The following MRPL13 variants were observed in gnomAD, a reference collection of about 807,000 sequenced individuals.
MRPL13 encodes the protein mitochondrial ribosomal protein L13.
In MRPL13, 33 loss-of-function variants were observed where a neutral mutation model predicts 29.0. The ratio of observed to expected loss-of-function variants is 1.14; its 90% CI spans 0.86 to 1.52. MRPL13 has a LOEUF of 1.52. Ranked by LOEUF, MRPL13 falls within the 40% of genes most tolerant of loss-of-function variation. MRPL13 has a pLI of 0.00. For synonymous variants in MRPL13, 77 were observed against 68.4 expected (o/e 1.13, Z -0.62); for missense variants, 227 against 216.7 (o/e 1.05, Z -0.30).
At chr8:120,408,365 T>C (rs1812701794) in intron 6 of MRPL13, among the ~76,000 whole-genome samples, 1 of 152,224 alleles carries the variant, frequency 6.6e-6, no homozygotes, top group Non-Finnish European at 1.5e-5. Flanking sequence ...ATTTGGGTTT[T>C]GTTGTTTAAA....
intron 6 of MRPL13, among the ~76,000 whole-genome samples, chr8:120,397,271 G>A (rs1407549113): frequency 1.3e-5 from 2 of 152,182 alleles, no homozygotes; most frequent in Non-Finnish European, 2.9e-5. Context: ...AGACCCAGGA[G>A]TTTAATAGAC....
intron 6 of MRPL13, among the ~76,000 whole-genome samples, chr8:120,403,908 T>C (rs1164103894): frequency 1.3e-5 from 2 of 152,324 alleles, no homozygotes; most frequent in Non-Finnish European, 2.9e-5. Flanking sequence ...AAGGCACTGA[T>C]CTGGGAAACT....
chr8:120,428,341 A>T lies in MRPL13; in HGVS notation c.246-2975T>A, dbSNP rs1257928732. Among the ~76,000 whole-genome samples the T allele has an allele frequency of 2.6e-5, 4 of 152,202 alleles. No homozygotes were observed. The East Asian group carries it at 7.7e-4, about 29-fold the overall frequency. On this transcript the variant is annotated intron_variant, in intron 3 of 6. Coordinates refer to ENST00000306185, the MANE Select transcript of MRPL13 (RefSeq NM_014078.6). ...TTCCTTATACCACATACAAAAATTAACTCAGGATGGATTCCAGACTTAACT... is the reference window on the plus strand; with the variant it reads ...TTCCTTATACCACATACAAAAATTATCTCAGGATGGATTCCAGACTTAACT...
intron 2 of MRPL13, among the ~76,000 whole-genome samples, chr8:120,436,958 T>A (rs973261622): frequency 6.6e-6 from 1 of 152,304 alleles, no homozygotes; most frequent in Non-Finnish European, 1.5e-5. Context: ...AATGATCAGA[T>A]AGGTTACCAT....
intron 4 of MRPL13, among the ~76,000 whole-genome samples, chr8:120,421,865 T>A (rs1046027025): frequency 3.3e-5 from 5 of 151,806 alleles, no homozygotes; most frequent in African/African-American, 1.2e-4. Context: ...ACATTTAAAA[T>A]ATTTATGAAG....
Position 120,425,354 on chromosome 8 carries a change from T to C in MRPL13, c.258A>G (p.Gly86=), listed in dbSNP as rs377371319. ...VYSSHTGYPG[G]FRQVTAAQLH... is the part of the protein sequence containing the mutation. ...GCTGAGCAGCTGTTACTTGTCTAAA[T>C]CCACCTGGGTAGCTGTTAAAAGGAG... Residue 86 remains glycine (G), a synonymous_variant, in exon 4 of 7, where the codon GGA becomes GGG. Transcript: ENST00000306185. 6.2e-7 allele frequency: 1 copy of C among 1,612,226 alleles called. No individual in the cohort carries two copies. The highest frequency in any genetic ancestry group is 1.3e-5 in the African/African-American group (1 of 74,854).
At chr8:120,423,971 A>C (rs1036969130) in intron 4 of MRPL13, among the ~76,000 whole-genome samples, 1 of 152,144 alleles carries the variant, frequency 6.6e-6, no homozygotes, top group Non-Finnish European at 1.5e-5. Flanking sequence ...TAAGGTAAAA[A>C]TACTGATGAA....
intron 6 of MRPL13, among the ~76,000 whole-genome samples, chr8:120,405,085 G>A (rs962632872): frequency 1.3e-5 from 2 of 152,120 alleles, no homozygotes; most frequent in African/African-American, 4.8e-5. Context: ...GCTTCCAAAG[G>A]GGGAAAAGCA....
At chr8:120,408,873 AGCTATAGACTGAAGAGGAT>A (rs1215406145) in intron 6 of MRPL13, among the ~76,000 whole-genome samples, 5 of 152,306 alleles carry the variant, frequency 3.3e-5, no homozygotes, top group African/African-American at 9.6e-5. Context: ...TCTCTTCTAG[AGCTATAGACTGAAGAGGAT>A]GCTCACCAAT....
rs535140464 is a variant in MRPL13 at position 120,416,276 on chromosome 8, C to T, written c.394-2164G>A. 2.6e-4 allele frequency among the ~76,000 whole-genome samples: 39 copies of T among 152,134 alleles called. No homozygotes were observed. In the South Asian group the frequency reaches 6.0e-3, roughly 23 times the overall value. The stretch of plus-strand genomic sequence containing the variant: ...TTGGGAGGCAGAGGCGGGTGGATCA[C>T]GAGGTCAGGAGATCGAGACCATCCT... On this transcript the variant is annotated intron_variant, in intron 5 of 6. Transcript: ENST00000306185.
At chr8:120,444,808 G>C in intron 1 of MRPL13, 1 of 561,824 alleles carries the variant, frequency 1.8e-6, no homozygotes, top group Non-Finnish European at 3.2e-6. Flanking sequence ...TTACCTCTCC[G>C]ATCTGCTCTA....
At chr8:120,435,984 C>T (rs1813050146) in intron 2 of MRPL13, among the ~76,000 whole-genome samples, 1 of 151,892 alleles carries the variant, frequency 6.6e-6, no homozygotes, top group African/African-American at 2.4e-5. Flanking sequence ...TTGTTTTTTG[C>T]TTGTAAATTT....
At chr8:120,431,373 T>G (rs1812993794) in intron 3 of MRPL13, among the ~76,000 whole-genome samples, 1 of 152,104 alleles carries the variant, frequency 6.6e-6, no homozygotes, top group African/African-American at 2.4e-5. Flanking sequence ...GAGATAAAAT[T>G]TAACATGGAG....
intron 2 of MRPL13, 59 bp downstream of exon 2, chr8:120,443,126 A>G: frequency 7.3e-7 from 1 of 1,367,012 alleles, no homozygotes; most frequent in East Asian, 2.7e-5. Context: ...AACTTCATCA[A>G]GATTCTATTC....
At chr8:120,405,670 G>C (rs565064128) in intron 6 of MRPL13, among the ~76,000 whole-genome samples, 1 of 152,208 alleles carries the variant, frequency 6.6e-6, no homozygotes, top group South Asian at 2.1e-4. Context: ...TATCTTTCCT[G>C]GTTCTTTTCT....
intron 3 of MRPL13, among the ~76,000 whole-genome samples, chr8:120,427,377 C>T (rs1812941659): frequency 6.6e-6 from 1 of 152,072 alleles, no homozygotes; most frequent in African/African-American, 2.4e-5. Context: ...TATAAATGAT[C>T]ATTCCTTTGA....
At chr8:120,444,468 T>C (rs1170972057) in intron 1 of MRPL13, among the ~76,000 whole-genome samples, 1 of 152,214 alleles carries the variant, frequency 6.6e-6, no homozygotes, top group East Asian at 1.9e-4. Context: ...TGTTGGCCTA[T>C]ACTCAATATT....
At chr8:120,405,102 T>C (rs996637249) in intron 6 of MRPL13, among the ~76,000 whole-genome samples, 8 of 152,194 alleles carry the variant, frequency 5.3e-5, no homozygotes, top group African/African-American at 1.9e-4. Flanking sequence ...AGCAGTATCA[T>C]GGCCAAAGAC....
At chr8:120,423,916 G>A (rs1812901927) in intron 4 of MRPL13, among the ~76,000 whole-genome samples, 1 of 152,042 alleles carries the variant, frequency 6.6e-6, no homozygotes, top group Non-Finnish European at 1.5e-5. Flanking sequence ...TTGGGAGGGA[G>A]GGTGGTAGTT....
Sources: gnomAD v4.1 joint callset for allele counts (sites outside exome capture counted in the v4.1 genomes callset) on GRCh38, gnomAD v4.1.1 for gene constraint, MANE v1.5 for transcripts, NCBI Gene and HGNC (gene_info 2026-07-23, HGNC 2026-07-21) for gene names.